Variants in PRRC2C observed in about 807,000 individuals in gnomAD.
The protein encoded by PRRC2C is protein PRRC2C.
PRRC2C carries 72 observed loss-of-function variants against 317.2 expected under a neutral mutation model. The observed-to-expected ratio is 0.23, with a 90% confidence interval of 0.19 to 0.28. The LOEUF (loss-of-function observed/expected upper bound fraction) is 0.28, where lower values mean the gene tolerates loss of function less well. Ranked by LOEUF, PRRC2C falls within the 10% of genes least tolerant of loss-of-function variation. The pLI is 1.00. For synonymous variants in PRRC2C, 1,296 were observed against 1,205.9 expected (o/e 1.07, Z -1.55); for missense variants, 3,074 against 3,459.7 (o/e 0.89, Z 2.80).
intron 6 of PRRC2C, among the ~76,000 whole-genome samples, chr1:171,518,493 A>AATTTTTT (rs1672849104): frequency 1.5e-5 from 1 of 65,596 alleles, no homozygotes; most frequent in Admixed American, 1.8e-4. Flanking sequence ...ATTTTTTTTC[A>AATTTTTT]ATTTTTTTTT....
intron 34 of PRRC2C, 123 bp from the exon 35 acceptor site, chr1:171,591,464 G>C (rs1651422049): frequency 8.5e-7 from 1 of 1,179,886 alleles, no homozygotes; most frequent in Non-Finnish European, 1.2e-6. Context: ...GGTACTTTTG[G>C]CTTTGGCCAA....
intron 20 of PRRC2C, among the ~76,000 whole-genome samples, chr1:171,565,820 T>C (rs1186220704): frequency 3.3e-5 from 5 of 152,260 alleles, no homozygotes; most frequent in African/African-American, 1.2e-4. Context: ...GTTTTTATTA[T>C]ATTTCTTAAA....
At chr1:171,508,901 T>C (rs909097860) in intron 1 of PRRC2C, among the ~76,000 whole-genome samples, 2 of 152,208 alleles carry the variant, frequency 1.3e-5, no homozygotes, top group African/African-American at 2.4e-5. Flanking sequence ...TTTTCCTTTT[T>C]TTTGAGACAG....
At chr1:171,527,117 A>G (rs1180704600) in intron 10 of PRRC2C, among the ~76,000 whole-genome samples, 3 of 145,898 alleles carry the variant, frequency 2.1e-5, no homozygotes, top group South Asian at 4.4e-4. Flanking sequence ...AAATATTTCT[A>G]ATAGATATAT....
At chr1:171,535,178 T>G (rs751391547) in intron 12 of PRRC2C, among the ~76,000 whole-genome samples, 1 of 152,142 alleles carries the variant, frequency 6.6e-6, no homozygotes, top group Non-Finnish European at 1.5e-5. Context: ...AAACATAGAT[T>G]TTATATGATG....
chr1:171,557,198 A>G lies in PRRC2C; in HGVS notation c.5128-42A>G, dbSNP rs1427620957. 1.9e-5 allele frequency: 28 copies of G among 1,501,052 alleles called. No individual in the cohort carries two copies. The South Asian group carries it at 3.2e-4, about 17-fold the overall frequency. The allele number at this position is 1,501,052 out of a possible 1,614,324, so 93.0% of individuals were successfully genotyped here. A position where few individuals can be genotyped will look rare whatever the true frequency, so the allele number is the denominator to read the frequency against. ...GTTGCATTTATGAACTGTTGCATTCAGCTGCATTATTGACAAAAATGGTCC... is the reference window on the plus strand; with the variant it reads ...GTTGCATTTATGAACTGTTGCATTCGGCTGCATTATTGACAAAAATGGTCC... On this transcript the variant is annotated intron_variant, in intron 18 of 34. Transcript: ENST00000647382.
intron 25 of PRRC2C, among the ~76,000 whole-genome samples, chr1:171,576,256 C>A (rs1035160635): frequency 2.6e-5 from 4 of 152,172 alleles, no homozygotes; most frequent in Non-Finnish European, 4.4e-5. Context: ...GTAGGAAGAT[C>A]TGGAAATAAT....
At chr1:171,559,418 T>G (rs1343649394) in intron 19 of PRRC2C, among the ~76,000 whole-genome samples, 2 of 151,384 alleles carry the variant, frequency 1.3e-5, no homozygotes, top group Admixed American at 1.3e-4. Flanking sequence ...CCCTTAAAAA[T>G]TATGCTAAAT....
chr1:171,528,327 C>T (rs1349945464), intron 11 of PRRC2C, among the ~76,000 whole-genome samples: 2 of 146,586 alleles, frequency 1.4e-5, no homozygotes, highest in Non-Finnish European at 3.0e-5. Context: ...CTAGCTCTGT[C>T]GCCCAGGCCG....
chr1:171,580,019 A>T, intron 28 of PRRC2C, 55 bp downstream of exon 28: 1 of 1,378,266 alleles, frequency 7.3e-7, no homozygotes, highest in Non-Finnish European at 9.5e-7. Flanking sequence ...GTAACTGCTG[A>T]TCCTCCTTGC....
intron 1 of PRRC2C, among the ~76,000 whole-genome samples, chr1:171,503,936 T>C (rs1669665282): frequency 6.6e-6 from 1 of 152,184 alleles, no homozygotes; most frequent in Admixed American, 6.5e-5. Flanking sequence ...AATTATTCAC[T>C]ATCACAAGAA....
chr1:171,526,446 T>C (rs1323393771), intron 10 of PRRC2C, among the ~76,000 whole-genome samples: 1 of 152,182 alleles, frequency 6.6e-6, no homozygotes, highest in Non-Finnish European at 1.5e-5. Flanking sequence ...CAAGAGATTC[T>C]TGTGCCTCAG....
At chr1:171,553,689 A>G (rs1448001524) in intron 18 of PRRC2C, among the ~76,000 whole-genome samples, 1 of 152,158 alleles carries the variant, frequency 6.6e-6, no homozygotes, top group Non-Finnish European at 1.5e-5. Context: ...TTTGGTTTCA[A>G]TGAACATCTT....
At chr1:171,504,254 T>C (rs1157090058) in intron 1 of PRRC2C, among the ~76,000 whole-genome samples, 1 of 152,238 alleles carries the variant, frequency 6.6e-6, no homozygotes, top group Non-Finnish European at 1.5e-5. Flanking sequence ...GTTTGTCCTT[T>C]AGTTCTCAAC....
In PRRC2C at chr1:171,537,301, A is replaced by C. The variant is rs763068758; in HGVS notation, c.2332A>C (p.Met778Leu). 1 of 1,600,826 alleles carries C rather than the reference A, an allele frequency of 6.2e-7. No homozygotes were observed. Among genetic ancestry groups the C allele is most frequent in the East Asian group, 2.2e-5 (1 of 44,646 alleles). Reference protein sequence around the residue: ...PPKPLMRRDQMEGSPNSSESF... With the variant: ...PPKPLMRRDQLEGSPNSSESF... Reference sequence around the variant, plus strand: ...TAAACCATTAATGAGAAGAGACCAGATGGAAGGGTCACCGAACAGTTCTGA... The same window carrying C: ...TAAACCATTAATGAGAAGAGACCAGCTGGAAGGGTCACCGAACAGTTCTGA... Residue 778 changes from methionine (M) to leucine (L), a missense_variant, in exon 15 of 35, where the codon ATG becomes CTG. By Grantham distance (15) the Met-to-Leu change is conservative. Coordinates refer to ENST00000647382, the MANE Select transcript of PRRC2C (RefSeq NM_001387844.1).
chr1:171,541,768 C>A lies in PRRC2C; in HGVS notation c.4302C>A (p.Asp1434Glu). ...RQRPTRPPRQDKPPRFRRLRE... is the reference protein window; with the variant it reads ...RQRPTRPPRQEKPPRFRRLRE... ...GTCCTACTCGACCACCAAGGCAAGA[C>A]AAGCCACCTCGATTTAGACGGCTAA... Residue 1434 changes from aspartate (D) to glutamate (E), a missense_variant, in exon 16 of 35, where the codon GAC becomes GAA. Asp to Glu is a conservative substitution (Grantham distance 45). Coordinates refer to ENST00000647382, the MANE Select transcript of PRRC2C (RefSeq NM_001387844.1). This position sits in a 1 kb window ranked among gnomAD's most constrained non-coding sequence, Gnocchi z 4.1. 6.2e-7 allele frequency: 1 copy of A among 1,613,978 alleles called. No individual in the cohort carries two copies. The highest frequency in any genetic ancestry group is 1.3e-5 in the African/African-American group (1 of 75,042).
At chr1:171,569,901 C>G (rs1480066863) in intron 23 of PRRC2C, among the ~76,000 whole-genome samples, 4 of 151,480 alleles carry the variant, frequency 2.6e-5, no homozygotes, top group African/African-American at 7.3e-5. Flanking sequence ...TTCTCAGAAC[C>G]CTTAAAATTC....
At chr1:171,577,266 A>G (rs1025350172) in intron 25 of PRRC2C, among the ~76,000 whole-genome samples, 168 bp from the exon 26 acceptor site, 4 of 152,050 alleles carry the variant, frequency 2.6e-5, no homozygotes, top group Admixed American at 2.0e-4. Context: ...ATTTGGTGAT[A>G]ATTACCTTTT....
intron 14 of PRRC2C, 55 bp from the exon 15 acceptor site, chr1:171,537,208 G>C: frequency 1.5e-6 from 2 of 1,347,548 alleles, no homozygotes; most frequent in Non-Finnish European, 2.1e-6. Flanking sequence ...TCATGGTTTT[G>C]TTTCGTTCAT....
Sources: gnomAD v4.1 joint callset for allele counts (sites outside exome capture counted in the v4.1 genomes callset) on GRCh38, gnomAD v4.1.1 for gene constraint, Gnocchi (gnomAD v3.1) non-coding constraint, MANE v1.5 for transcripts, NCBI Gene and HGNC (gene_info 2026-07-23, HGNC 2026-07-21) for gene names.